The following ANKS1B variants were observed in gnomAD, a reference collection of about 807,000 sequenced individuals.
ANKS1B encodes the protein ankyrin repeat and sterile alpha motif domain-containing protein 1B.
A neutral mutation model predicts 148.3 loss-of-function variants in ANKS1B; 36 were observed. The observed-to-expected ratio is 0.24, with a 90% CI of 0.19 to 0.32. The LOEUF (loss-of-function observed/expected upper bound fraction) is 0.32, where lower values mean the gene tolerates loss of function less well. Among genes scored for constraint, ANKS1B ranks in the 10% least tolerant of loss-of-function variants. ANKS1B has a pLI of 1.00. For synonymous variants in ANKS1B, 542 were observed against 560.8 expected (o/e 0.97, Z 0.47); for missense variants, 1,157 against 1,542.6 (o/e 0.75, Z 4.19).
chr12:99,809,681 C>T (rs2153664835), intron 3 of ANKS1B, among the ~76,000 whole-genome samples: 1 of 151,654 alleles, frequency 6.6e-6, no homozygotes, highest in East Asian at 1.9e-4. Flanking sequence ...GTTTATAAAC[C>T]AAAAGAGATA....
At chr12:98,976,154 T>C (rs560721037) in intron 17 of ANKS1B, among the ~76,000 whole-genome samples, 1 of 152,302 alleles carries the variant, frequency 6.6e-6, no homozygotes, top group African/African-American at 2.4e-5. Context: ...GTTAATAAAA[T>C]GTTGAACATA....
chr12:99,188,990 TA>T, intron 14 of ANKS1B, among the ~76,000 whole-genome samples: 1 of 152,000 alleles, frequency 6.6e-6, no homozygotes, highest in East Asian at 1.9e-4. Context: ...ATAGACGCAA[TA>T]AAAAATGATA....
At position 99,984,096 on chromosome 12, in the gene ANKS1B, G is replaced by A. The variant is rs1328916747; in HGVS notation, c.134+8C>T. On this transcript the variant is annotated splice_region_variant and intron_variant, in intron 1 of 26. Coordinates refer to ENST00000683438, the MANE Select transcript of ANKS1B (RefSeq NM_001352186.2). ...TGTGCCAACCCCGGAGCTGGTGCCC[G>A]TCCTTACCTTAGCAGATTAGACAGG... 1.9e-6 allele frequency: 3 copies of A among 1,610,324 alleles called. No homozygotes were observed. The South Asian group carries it at 3.3e-5, about 18-fold the overall frequency.
downstream of ANKS1B, chr12:98,743,900 G>T: frequency 1.4e-6 from 1 of 734,088 alleles, no homozygotes; most frequent in Non-Finnish European, 1.7e-6. Context: ...TGTAGATGCT[G>T]AGAAGGCTGG....
intron 12 of ANKS1B, among the ~76,000 whole-genome samples, chr12:99,271,638 T>C (rs2077044617): frequency 7.4e-6 from 1 of 134,452 alleles, no homozygotes; most frequent in Non-Finnish European, 1.6e-5. Flanking sequence ...CATATATTTA[T>C]TCAGTCAGTA....
intron 16 of ANKS1B, among the ~76,000 whole-genome samples, chr12:99,061,649 C>T (rs539252680): frequency 9.9e-5 from 15 of 152,272 alleles, no homozygotes; most frequent in African/African-American, 3.4e-4. Context: ...AATTAATATT[C>T]GATTCTTTAA....
chr12:99,885,253 G>C lies in ANKS1B; in HGVS notation c.135-59864C>G, dbSNP rs182829355. On this transcript the variant is annotated intron_variant, in intron 1 of 26. Coordinates refer to ENST00000683438, the MANE Select transcript of ANKS1B (RefSeq NM_001352186.2). ...CTCCTAACTCACATTTTAAATCAGG[G>C]CCTCAGCTATGCCTTTACTGCCCAG... is the stretch of plus-strand genomic sequence containing the variant. Among the ~76,000 whole-genome samples, 13 of 150,718 alleles carry C rather than the reference G, an allele frequency of 8.6e-5. No homozygotes were observed. In the East Asian group the frequency reaches 2.5e-3, roughly 29 times the overall value.
intron 8 of ANKS1B, among the ~76,000 whole-genome samples, chr12:99,761,212 A>T (rs1378563788): frequency 2.0e-5 from 3 of 149,810 alleles, no homozygotes; most frequent in Non-Finnish European, 4.4e-5. Flanking sequence ...AGCCGCCATC[A>T]TCCTAATATC....
At chr12:99,449,109 T>C (rs28465653) in intron 10 of ANKS1B, among the ~76,000 whole-genome samples, 1,758 of 151,374 alleles carry the variant, frequency 0.012, 32 homozygotes, top group East Asian at 0.055. Flanking sequence ...TCTATTTGGT[T>C]CTTAATCAAG....
At chr12:99,461,929 A>G (rs2152859073) in intron 10 of ANKS1B, among the ~76,000 whole-genome samples, 1 of 152,268 alleles carries the variant, frequency 6.6e-6, no homozygotes, top group East Asian at 1.9e-4. Context: ...TCCACACTAC[A>G]TCTATTGTTT....
intron 12 of ANKS1B, among the ~76,000 whole-genome samples, chr12:99,388,090 A>G (rs1322172851): frequency 6.6e-6 from 1 of 152,190 alleles, no homozygotes; most frequent in Non-Finnish European, 1.5e-5. Flanking sequence ...AAAGCATAAG[A>G]TGTTCTTAAA....
intron 12 of ANKS1B, among the ~76,000 whole-genome samples, chr12:99,342,662 A>T (rs1026168682): frequency 6.6e-6 from 1 of 152,170 alleles, no homozygotes; most frequent in Admixed American, 6.6e-5. Flanking sequence ...AATTATCAAA[A>T]CATATTGATA....
At chr12:99,318,420 T>G (rs193028516) in intron 12 of ANKS1B, among the ~76,000 whole-genome samples, 1 of 152,232 alleles carries the variant, frequency 6.6e-6, no homozygotes, top group East Asian at 1.9e-4. Context: ...AGGAATTTAT[T>G]CATTTCTTCT....
At chr12:99,076,084 T>C (rs1365224956) in intron 16 of ANKS1B, among the ~76,000 whole-genome samples, 1 of 152,076 alleles carries the variant, frequency 6.6e-6, no homozygotes, top group Non-Finnish European at 1.5e-5. Flanking sequence ...GGGAAATGAC[T>C]AGTATATAGT....
At chr12:99,210,940 C>T (rs141934114) in intron 14 of ANKS1B, among the ~76,000 whole-genome samples, 175 of 152,318 alleles carry the variant, frequency 1.1e-3, no homozygotes, top group African/African-American at 4.0e-3. Context: ...TCTCAAACTT[C>T]AAATGGTCTC....
At position 99,317,631 on chromosome 12, in the gene ANKS1B, T is replaced by C. The variant is rs372571597; in HGVS notation, c.1757-70767A>G. 7.2e-4 allele frequency among the ~76,000 whole-genome samples: 110 copies of C among 152,342 alleles called. 2 individuals are homozygous for C. The South Asian group carries it at 0.021, about 29-fold the overall frequency. On this transcript the variant is annotated intron_variant, in intron 12 of 26. Coordinates refer to ENST00000683438, the MANE Select transcript of ANKS1B (RefSeq NM_001352186.2). Reference sequence around the variant, plus strand: ...CAAACAGGGGCAATATGACTTCCTCTTTTCCTAATTGAATACCCTTTATTT... The same window carrying C: ...CAAACAGGGGCAATATGACTTCCTCCTTTCCTAATTGAATACCCTTTATTT...
At chr12:98,839,438 G>A (rs970838317) in intron 17 of ANKS1B, among the ~76,000 whole-genome samples, 23 of 151,876 alleles carry the variant, frequency 1.5e-4, no homozygotes, top group South Asian at 8.3e-4. Flanking sequence ...AAATATATAC[G>A]TCTACACAGC....
intron 12 of ANKS1B, among the ~76,000 whole-genome samples, chr12:99,255,308 T>G (rs561316081): frequency 6.6e-6 from 1 of 152,152 alleles, no homozygotes; most frequent in Non-Finnish European, 1.5e-5. Context: ...TAACTTTGAA[T>G]GGTTTTTTGT....
At chr12:99,267,561 A>ACATTCATTCATTCATT (rs10527065) in intron 12 of ANKS1B, among the ~76,000 whole-genome samples, 39,457 of 151,514 alleles carry the variant, frequency 0.26, 5,989 homozygotes, top group African/African-American at 0.41. Flanking sequence ...ATTTGGCTGT[A>ACATTCATTCATTCATT]CATTCATTCA....
Sources: allele counts gnomAD v4.1 joint callset (sites outside exome capture counted in the v4.1 genomes callset), GRCh38; gene constraint gnomAD v4.1.1; transcripts MANE v1.5; gene names NCBI Gene and HGNC (gene_info 2026-07-23, HGNC 2026-07-21).